The following MAP3K15 variants were observed in gnomAD, a reference collection of about 807,000 sequenced individuals.
MAP3K15 encodes the protein MAPK/ERK kinase kinase 15.
Under a neutral mutation model 99.5 loss-of-function variants are expected in MAP3K15, and 124 were observed. The observed-to-expected ratio is 1.25, with a 90% CI of 1.08 to 1.45. The LOEUF (loss-of-function observed/expected upper bound fraction) is 1.45, where lower values mean the gene tolerates loss of function less well. Among genes scored for constraint, MAP3K15 ranks in the 40% most tolerant of loss-of-function variants. The pLI, the probability that MAP3K15 is intolerant of heterozygous loss-of-function variation, is 0.00. For synonymous variants in MAP3K15, 494 were observed against 439.6 expected (o/e 1.12, Z -1.55); for missense variants, 1,242 against 1,079.7 (o/e 1.15, Z -2.11).
At chrX:19,484,992 C>G (rs1392233271) in intron 3 of MAP3K15, among the ~76,000 whole-genome samples, 1 of 111,037 alleles carries the variant, frequency 9.0e-6, no homozygotes, top group East Asian at 2.8e-4. Context: ...ACTTCTTCCC[C>G]ATTTCTCCAC....
At chrX:19,451,695 T>C (rs1001643953) in intron 6 of MAP3K15, among the ~76,000 whole-genome samples, 2 of 108,697 alleles carry the variant, frequency 1.8e-5, no homozygotes, top group Non-Finnish European at 3.8e-5. Flanking sequence ...TTGGCAAGGA[T>C]TGGAGAAACT....
At chrX:19,403,657 G>A (rs781242391) in intron 13 of MAP3K15, among the ~76,000 whole-genome samples, 15 of 104,510 alleles carry the variant, frequency 1.4e-4, no homozygotes, top group East Asian at 9.1e-4. Flanking sequence ...TTGCAGAGAC[G>A]GGGTTTTACC....
chrX:19,378,046 T>G (rs779312312), intron 19 of MAP3K15, among the ~76,000 whole-genome samples: 1 of 112,462 alleles, frequency 8.9e-6, no homozygotes, highest in South Asian at 3.7e-4. Context: ...TTGAACATGC[T>G]GCCCTCACCT....
chrX:19,440,625 C>A (rs1188419181), intron 6 of MAP3K15, among the ~76,000 whole-genome samples: 1 of 112,664 alleles, frequency 8.9e-6, no homozygotes, highest in Non-Finnish European at 1.9e-5. Flanking sequence ...AGGCCAGGGT[C>A]TACAGTGGGC....
At chrX:19,502,143 A>G (rs1036240514) in intron 1 of MAP3K15, among the ~76,000 whole-genome samples, 2 of 110,144 alleles carry the variant, frequency 1.8e-5, no homozygotes, top group African/African-American at 6.6e-5. Context: ...CAACAGGGAG[A>G]AGGAGGGGAG....
At chrX:19,497,967 T>A in intron 1 of MAP3K15, among the ~76,000 whole-genome samples, 1 of 111,613 alleles carries the variant, frequency 9.0e-6, no homozygotes, top group East Asian at 2.8e-4. Flanking sequence ...CACTACATGA[T>A]AACTGCCCAA....
At position 19,362,783 on chromosome X, in the gene MAP3K15, T is replaced by G. The variant is rs1180788706; in HGVS notation, c.3634A>C (p.Lys1212Gln). The part of the protein sequence containing the change: ...QNLLRQTLEQ[K>Q]TQELYHLQLK... ...TGAAGGTGATACAATTCTTGAGTTT[T>G]CTGTTCTAGAGTTTGCCGCAGAAGA... is the stretch of plus-strand genomic sequence containing the variant. Residue 1212 changes from lysine to glutamine, a missense_variant, in exon 26 of 29, where the codon AAA (lysine) becomes CAA (glutamine). Coordinates refer to ENST00000338883, the MANE Select transcript of MAP3K15 (RefSeq NM_001001671.4). The G allele has an allele frequency of 8.3e-7, 1 of 1,200,053 alleles. No homozygotes were observed. Among genetic ancestry groups the G allele is most frequent in the Admixed American group, 2.2e-5 (1 of 45,597 alleles).
chrX:19,432,479 C>G (rs1288441742), intron 6 of MAP3K15, among the ~76,000 whole-genome samples: 8 of 105,874 alleles, frequency 7.6e-5, no homozygotes, highest in Non-Finnish European at 7.8e-5. Context: ...CACTTGAACC[C>G]AGGAGGCAGA....
chrX:19,397,824 T>A (rs1196274032), intron 15 of MAP3K15, among the ~76,000 whole-genome samples: 1 of 111,085 alleles, frequency 9.0e-6, no homozygotes, highest in Non-Finnish European at 1.9e-5. Flanking sequence ...ATGCCTGTAA[T>A]CCCAGCACTT....
chrX:19,382,968 G>C (rs2147233361), intron 18 of MAP3K15, among the ~76,000 whole-genome samples: 1 of 112,016 alleles, frequency 8.9e-6, no homozygotes, highest in Admixed American at 9.5e-5. Context: ...GACCCTGGAA[G>C]GATGCGGGAG....
intron 19 of MAP3K15, among the ~76,000 whole-genome samples, chrX:19,377,831 C>T (rs1189469170): frequency 2.7e-5 from 3 of 112,345 alleles, no homozygotes; most frequent in Non-Finnish European, 3.8e-5. Flanking sequence ...GTGCTGAGGA[C>T]GGTCATTGCT....
chrX:19,498,705 G>A (rs1759255639), intron 1 of MAP3K15, among the ~76,000 whole-genome samples: 2 of 112,095 alleles, frequency 1.8e-5, no homozygotes, highest in African/African-American at 6.5e-5. Context: ...AAAGTGCCTG[G>A]GGGCACTCAT....
chrX:19,461,124 C>T (rs922592961), intron 4 of MAP3K15, among the ~76,000 whole-genome samples: 4 of 112,258 alleles, frequency 3.6e-5, no homozygotes, highest in African/African-American at 9.7e-5. Context: ...GGACCATAGG[C>T]GCCCGCCACC....
chrX:19,429,196 A>G (rs923020772), intron 7 of MAP3K15, among the ~76,000 whole-genome samples: 3 of 110,861 alleles, frequency 2.7e-5, no homozygotes, highest in Non-Finnish European at 5.7e-5. Context: ...TATAGCAGGG[A>G]GCAGGGAGCC....
intron 12 of MAP3K15, among the ~76,000 whole-genome samples, chrX:19,409,117 T>A (rs1223895047): frequency 8.9e-6 from 1 of 111,784 alleles, no homozygotes; most frequent in Non-Finnish European, 1.9e-5. Flanking sequence ...TTAAGTGATG[T>A]TGATGGTATC....
chrX:19,417,891 C>T (rs760015186), intron 9 of MAP3K15, among the ~76,000 whole-genome samples: 212 of 111,876 alleles, frequency 1.9e-3, no homozygotes, highest in African/African-American at 6.5e-3. Flanking sequence ...CACCAATATC[C>T]GCTGTTCTGC....
At chrX:19,369,640 G>C (rs915078644) in intron 24 of MAP3K15, among the ~76,000 whole-genome samples, 3 of 111,270 alleles carry the variant, frequency 2.7e-5, no homozygotes, top group African/African-American at 9.8e-5. Flanking sequence ...GCCAGGTCCA[G>C]GCGCAGTGGC....
chrX:19,392,068 T>A lies in MAP3K15; in HGVS notation c.2365A>T (p.Lys789Ter). ...TTCGAGGTTCCAAAATCGGAGATTT[T>A]CACCACTCCGCTGTAGGTGTTCACC... ...VLVNTYSGVV[K>*]ISDFGTSKRL... Residue 789 changes from lysine (K) to a stop codon, truncating the protein, a stop_gained, in exon 18 of 29, where the codon AAA becomes TAA. Transcript: ENST00000338883. LOFTEE classifies it high-confidence loss of function. 1 of 1,211,191 alleles carries A rather than the reference T, an allele frequency of 8.3e-7. No individual in the cohort carries two copies. The highest frequency in any genetic ancestry group is 3.0e-5 in the East Asian group (1 of 33,858).
intron 6 of MAP3K15, among the ~76,000 whole-genome samples, chrX:19,450,636 C>T (rs1465535928): frequency 9.2e-6 from 1 of 108,699 alleles, no homozygotes; most frequent in African/African-American, 3.3e-5. Flanking sequence ...CACCTGTTAA[C>T]TTCAGTCACC....
Sources: allele counts gnomAD v4.1 joint callset (sites outside exome capture counted in the v4.1 genomes callset), GRCh38; gene constraint gnomAD v4.1.1; transcripts MANE v1.5; gene names NCBI Gene and HGNC (gene_info 2026-07-23, HGNC 2026-07-21).